Variants in HECW1 observed in about 807,000 individuals in gnomAD.
The protein encoded by HECW1 is HECT, C2 and WW domain containing E3 ubiquitin protein ligase 1.
In HECW1, 61 loss-of-function variants were observed where a neutral mutation model predicts 182.3. That is an observed-to-expected ratio of 0.33 (90% CI 0.27 to 0.41). HECW1 has a LOEUF of 0.41. HECW1 is among the 10% of genes least tolerant of loss of function. The pLI is 1.00. For synonymous variants in HECW1, 859 were observed against 832.6 expected, an observed-to-expected ratio of 1.03 and a Z score of -0.55; for missense variants, 1,739 against 2,108.9, an observed-to-expected ratio of 0.82 and a Z score of 3.44.
chr7:43,520,178 C>T (rs2080392522), intron 24 of HECW1, among the ~76,000 whole-genome samples: 2 of 152,238 alleles, frequency 1.3e-5, no homozygotes, highest in South Asian at 4.1e-4. Context: ...CTGTTCTACA[C>T]ATGAGCTCCT....
At chr7:43,301,394 T>C (rs887679739) in intron 3 of HECW1, among the ~76,000 whole-genome samples, 1 of 152,190 alleles carries the variant, frequency 6.6e-6, no homozygotes, top group East Asian at 1.9e-4. Context: ...GGGGGGACCA[T>C]GCCCACCACC....
chr7:43,314,819 A>G (rs1808980133), intron 4 of HECW1, among the ~76,000 whole-genome samples: 1 of 152,198 alleles, frequency 6.6e-6, no homozygotes. Flanking sequence ...TATCTTCCAC[A>G]TTTTCCGTGC....
chr7:43,177,056 AG>A (rs1792329025), intron 2 of HECW1, among the ~76,000 whole-genome samples: 1 of 152,168 alleles, frequency 6.6e-6, no homozygotes, highest in Non-Finnish European at 1.5e-5. Context: ...ACTCCTCTAG[AG>A]TTTCAGGGTT....
chr7:43,515,923 T>C (rs2080126686), intron 24 of HECW1, among the ~76,000 whole-genome samples: 1 of 152,248 alleles, frequency 6.6e-6, no homozygotes, highest in Admixed American at 6.5e-5. Flanking sequence ...AAATTTATTT[T>C]TATGTCTAAT....
chr7:43,265,466 G>C (rs538854682), intron 3 of HECW1, among the ~76,000 whole-genome samples: 3 of 152,302 alleles, frequency 2.0e-5, no homozygotes, highest in East Asian at 3.9e-4. Flanking sequence ...TATAATATCA[G>C]ATAACATAAG....
At chr7:43,375,957 T>C (rs902026479) in intron 6 of HECW1, among the ~76,000 whole-genome samples, 10 of 150,072 alleles carry the variant, frequency 6.7e-5, no homozygotes, top group Admixed American at 1.3e-4. Flanking sequence ...AAGATAACAT[T>C]TGAATGAAAA....
chr7:43,410,337 G>C (rs1448856482), intron 8 of HECW1, among the ~76,000 whole-genome samples: 2 of 152,188 alleles, frequency 1.3e-5, no homozygotes, highest in East Asian at 3.9e-4. Context: ...ACGTTAGAAA[G>C]AGAGAAAAGG....
intron 5 of HECW1, among the ~76,000 whole-genome samples, chr7:43,351,697 T>TA (rs1814491233): frequency 1.4e-5 from 2 of 146,090 alleles, no homozygotes; most frequent in Admixed American, 1.4e-4. Flanking sequence ...TTTTTTTTTT[T>TA]ACATTGCCTT....
At chr7:43,442,466 A>C in intron 9 of HECW1, 63 bp from the exon 10 acceptor site, 1 of 1,201,804 alleles carries the variant, frequency 8.3e-7, no homozygotes, top group Non-Finnish European at 1.2e-6. Flanking sequence ...TAGAAAGCAC[A>C]CTGCATGGTC....
intron 3 of HECW1, among the ~76,000 whole-genome samples, chr7:43,246,613 G>A (rs1289226696): frequency 6.6e-6 from 1 of 152,206 alleles, no homozygotes; most frequent in African/African-American, 2.4e-5. Flanking sequence ...ATAAGAGAAT[G>A]AGAAAGAAAT....
intron 2 of HECW1, among the ~76,000 whole-genome samples, chr7:43,177,354 T>A (rs1792363937): frequency 6.6e-6 from 1 of 152,192 alleles, no homozygotes; most frequent in African/African-American, 2.4e-5. Context: ...TCTGATCATG[T>A]CACCCTTCAT....
chr7:43,280,848 A>G (rs1803804651), intron 3 of HECW1, among the ~76,000 whole-genome samples: 1 of 152,134 alleles, frequency 6.6e-6, no homozygotes, highest in Non-Finnish European at 1.5e-5. Flanking sequence ...GCTCACTAGG[A>G]GCAAATGGGT....
chr7:43,290,639 A>AT (rs1210246380), intron 3 of HECW1, among the ~76,000 whole-genome samples: 1 of 152,122 alleles, frequency 6.6e-6, no homozygotes, highest in Non-Finnish European at 1.5e-5. Flanking sequence ...CAGTTGGGCA[A>AT]TGTCTGAATT....
chr7:43,439,540 CA>C, intron 9 of HECW1: 1 of 152,802 alleles, frequency 6.5e-6, no homozygotes, highest in Non-Finnish European at 1.5e-5. Context: ...GGCTGGAGAA[CA>C]AAAACAGGGG....
rs578095979 is a variant in HECW1 at position 43,175,808 on chromosome 7, C to T, written c.-32+61417C>T. 7.2e-5 allele frequency among the ~76,000 whole-genome samples: 11 copies of T among 152,256 alleles called. No individual in the cohort carries two copies. In the South Asian group the frequency reaches 1.5e-3, roughly 20 times the overall value. Reference sequence around the variant, plus strand: ...GCTTTGATAAATGCAGCCTTCATGACGGCTTTTGGTTGTTCTAGTCACGTT... The same window carrying T: ...GCTTTGATAAATGCAGCCTTCATGATGGCTTTTGGTTGTTCTAGTCACGTT... On this transcript the variant is annotated intron_variant, in intron 2 of 29. Transcript: ENST00000395891.
chr7:43,475,668 A>T lies in HECW1; in HGVS notation c.3100-3942A>T, dbSNP rs1020064277. Among the ~76,000 whole-genome samples the T allele has an allele frequency of 2.0e-5, 3 of 152,100 alleles. No homozygotes were observed. In the East Asian group the frequency reaches 5.8e-4, roughly 29 times the overall value. On this transcript the variant is annotated intron_variant, in intron 16 of 29. Transcript: ENST00000395891. ...TGTGCTCCAGCAATCTTCCCACCTC[A>T]GTCTCCTGAGTAGCTGGGACCACAG...
intron 8 of HECW1, among the ~76,000 whole-genome samples, chr7:43,414,983 A>G (rs2075940245): frequency 6.6e-6 from 1 of 152,172 alleles, no homozygotes; most frequent in Admixed American, 6.5e-5. Flanking sequence ...AATGAGGCCA[A>G]TTTGCCAGTC....
At position 43,552,345 on chromosome 7, in the gene HECW1, GC is replaced by G. The variant is rs1352752558; in HGVS notation, c.4510+10del. ...CACTGAGTACCGGGGAGGTGAGTGGGCAGGAGCTGTAATGATGCAATGATCA... is the reference window on the plus strand; with the variant it reads ...CACTGAGTACCGGGGAGGTGAGTGGGAGGAGCTGTAATGATGCAATGATCA... On this transcript the variant is annotated intron_variant, in intron 28 of 29. Coordinates refer to ENST00000395891, the MANE Select transcript of HECW1 (RefSeq NM_015052.5). 3.3e-6 allele frequency: 5 copies of G among 1,530,410 alleles called. No homozygotes were observed. The highest frequency in any genetic ancestry group is 3.6e-6 in the Non-Finnish European group (4 of 1,104,034). 94.8% of individuals were successfully genotyped at this position (1,530,410 alleles called of 1,614,324 possible).
At chr7:43,126,477 G>A (rs978626629) in intron 2 of HECW1, among the ~76,000 whole-genome samples, 2 of 152,180 alleles carry the variant, frequency 1.3e-5, no homozygotes, top group African/African-American at 2.4e-5. Context: ...TAATGGCAGA[G>A]CTGACTAGTT....
Sources: gnomAD v4.1 joint callset for allele counts (sites outside exome capture counted in the v4.1 genomes callset) on GRCh38, gnomAD v4.1.1 for gene constraint, MANE v1.5 for transcripts, NCBI Gene and HGNC (gene_info 2026-07-23, HGNC 2026-07-21) for gene names.